Variants in TENM4 observed in about 807,000 individuals in gnomAD.
TENM4 encodes teneurin transmembrane protein 4.
TENM4 carries 82 observed loss-of-function variants against 243.3 expected under a neutral mutation model. The ratio of observed to expected loss-of-function variants is 0.34; its 90% CI spans 0.28 to 0.40. The LOEUF is 0.40. Among genes scored for constraint, TENM4 ranks in the 10% least tolerant of loss-of-function variants. The probability of loss-of-function intolerance (pLI) is 1.00; values close to 1 mark genes in which losing one functional copy is unlikely to be tolerated. For missense variants in TENM4, 3,138 were observed against 3,673.3 expected (o/e 0.85, Z 3.77); for synonymous variants, 1,412 against 1,456.3 (o/e 0.97, Z 0.69).
intron 9 of TENM4, among the ~76,000 whole-genome samples, chr11:78,863,593 T>C (rs1858880993): frequency 1.3e-5 from 2 of 152,222 alleles, no homozygotes; most frequent in Non-Finnish European, 1.5e-5. Flanking sequence ...AAAAGACTCT[T>C]GGCATTATTC....
intron 9 of TENM4, 82 bp from the exon 10 acceptor site, chr11:78,863,214 G>C: frequency 7.2e-7 from 1 of 1,396,240 alleles, no homozygotes. Context: ...AAGGTGGGCA[G>C]GGTGGGGGAA....
intron 5 of TENM4, among the ~76,000 whole-genome samples, chr11:79,066,782 A>G (rs1468905504): frequency 6.6e-6 from 1 of 152,206 alleles, no homozygotes; most frequent in East Asian, 1.9e-4. Flanking sequence ...ACACAAGCAC[A>G]TACTCTGGCA....
intron 1 of TENM4, among the ~76,000 whole-genome samples, chr11:79,325,953 ATCAC>A: frequency 6.6e-6 from 1 of 152,286 alleles, no homozygotes; most frequent in Non-Finnish European, 1.5e-5. Flanking sequence ...AGGAACCAAA[ATCAC>A]TTTGTGAACT....
intron 6 of TENM4, among the ~76,000 whole-genome samples, chr11:78,979,864 C>T (rs1857752920): frequency 6.6e-6 from 1 of 152,322 alleles, no homozygotes; most frequent in Non-Finnish European, 1.5e-5. Flanking sequence ...AATTGAGTCA[C>T]CAAACTTCTC....
intron 6 of TENM4, among the ~76,000 whole-genome samples, chr11:78,957,039 TC>T (rs1207492136): frequency 2.0e-5 from 3 of 152,184 alleles, no homozygotes; most frequent in African/African-American, 4.8e-5. Flanking sequence ...CCCTCATCTC[TC>T]TGGAAAACAT....
At chr11:79,089,974 G>A (rs1860907853) in intron 4 of TENM4, among the ~76,000 whole-genome samples, 2 of 152,210 alleles carry the variant, frequency 1.3e-5, no homozygotes, top group South Asian at 4.1e-4. Context: ...CTATATCATG[G>A]AGGTGATAAA....
chr11:78,965,078 G>A (rs1270341431), intron 6 of TENM4, among the ~76,000 whole-genome samples: 1 of 151,996 alleles, frequency 6.6e-6, no homozygotes, highest in Admixed American at 6.6e-5. Flanking sequence ...ATTTTGGCCA[G>A]GCTGGTCTCG....
Position 78,657,868 on chromosome 11 carries a change from A to C in TENM4, c.*190T>G, listed in dbSNP as rs1857932747. On this transcript the variant is annotated 3_prime_UTR_variant, in exon 34 of 34. Coordinates refer to ENST00000278550, the MANE Select transcript of TENM4 (RefSeq NM_001098816.3). ...GAAAAAAATACCTTCTGTTCTTTGCAAAAAATGTGCGAAGGCCAAATCTGT... is the reference window on the plus strand; with the variant it reads ...GAAAAAAATACCTTCTGTTCTTTGCCAAAAATGTGCGAAGGCCAAATCTGT... The C allele has an allele frequency of 2.3e-6, 2 of 857,160 alleles. No homozygotes were observed. Among genetic ancestry groups the C allele is most frequent in the Non-Finnish European group, 3.7e-6 (2 of 537,080 alleles). The allele number at this position is 857,160 out of a possible 1,614,324, so 53.1% of individuals were successfully genotyped here. A position where few individuals can be genotyped will look rare whatever the true frequency, so the allele number is the denominator to read the frequency against.
At chr11:79,281,517 G>T (rs1345364149) in intron 2 of TENM4, among the ~76,000 whole-genome samples, 1 of 152,190 alleles carries the variant, frequency 6.6e-6, no homozygotes, top group Non-Finnish European at 1.5e-5. Context: ...CACTGAGAAA[G>T]TGAAATTCAG....
chr11:79,278,911 TA>T, intron 2 of TENM4, among the ~76,000 whole-genome samples: 1 of 152,066 alleles, frequency 6.6e-6, no homozygotes, highest in Non-Finnish European at 1.5e-5. Context: ...CAACAGAGCC[TA>T]AAGGGAAATC....
intron 4 of TENM4, among the ~76,000 whole-genome samples, chr11:79,077,056 C>A (rs1860550966): frequency 6.6e-6 from 1 of 152,136 alleles, no homozygotes; most frequent in South Asian, 2.1e-4. Context: ...TAGGCTCATT[C>A]ATTTGGTAAT....
intron 1 of TENM4, among the ~76,000 whole-genome samples, chr11:79,354,188 G>A (rs145329950): frequency 6.6e-6 from 1 of 152,326 alleles, no homozygotes; most frequent in Non-Finnish European, 1.5e-5. Flanking sequence ...CACATAGTAA[G>A]CCCTCACTGA....
rs1007335349 is a variant in TENM4, at chr11:79,324,853, T to C, written c.-320-27310A>G. Among the ~76,000 whole-genome samples the C allele has an allele frequency of 9.9e-5, 15 of 151,384 alleles. 1 individual carries two copies. The highest frequency in any genetic ancestry group is 7.2e-4 in the Admixed American group (11 of 15,198). On this transcript the variant is annotated intron_variant, in intron 1 of 33. Transcript: ENST00000278550. ...GACACAGAGAATATCTAAAAGGGAGTTTCCAGAACCAAAATGAGTATTATA... is the reference window on the plus strand; with the variant it reads ...GACACAGAGAATATCTAAAAGGGAGCTTCCAGAACCAAAATGAGTATTATA...
intron 10 of TENM4, among the ~76,000 whole-genome samples, chr11:78,857,148 T>C (rs1858700444): frequency 6.6e-6 from 1 of 152,138 alleles, no homozygotes; most frequent in South Asian, 2.1e-4. Context: ...CAGGAGAGAC[T>C]CTAGGGATGT....
At chr11:79,186,376 A>G (rs1425197198) in intron 3 of TENM4, among the ~76,000 whole-genome samples, 2 of 152,196 alleles carry the variant, frequency 1.3e-5, no homozygotes, top group Non-Finnish European at 1.5e-5. Context: ...GCATCTGTTT[A>G]TCAAGCAACT....
chr11:79,161,348 G>A (rs775561965), intron 3 of TENM4, among the ~76,000 whole-genome samples: 5 of 152,198 alleles, frequency 3.3e-5, no homozygotes, highest in African/African-American at 4.8e-5. Flanking sequence ...TGAAACGTGT[G>A]CCTTCAAAAT....
intron 1 of TENM4, among the ~76,000 whole-genome samples, chr11:79,403,144 C>T (rs538669230): frequency 6.6e-6 from 1 of 152,242 alleles, no homozygotes; most frequent in South Asian, 2.1e-4. Context: ...AAAGATATGG[C>T]CCTTTAGTGA....
chr11:79,361,171 C>A lies in TENM4; in HGVS notation c.-320-63628G>T, dbSNP rs138208664. Among the ~76,000 whole-genome samples, 415 of 152,188 alleles carry A rather than the reference C, an allele frequency of 2.7e-3. 3 individuals are homozygous for A. The highest frequency in any genetic ancestry group is 4.8e-3 in the Non-Finnish European group (323 of 67,996). ...CCAGCAGGCATAATATCAGTGCCAC[C>A]CCTCTGCAGAAATTGGGGAAGTTTG... On this transcript the variant is annotated intron_variant, in intron 1 of 33. Coordinates refer to ENST00000278550, the MANE Select transcript of TENM4 (RefSeq NM_001098816.3).
At chr11:78,848,988 C>T (rs909800963) in intron 12 of TENM4, among the ~76,000 whole-genome samples, 3 of 152,146 alleles carry the variant, frequency 2.0e-5, no homozygotes, top group East Asian at 1.9e-4. Flanking sequence ...GCAAGTTTCT[C>T]GTAAAAATTC....
Sources: gnomAD v4.1 joint callset for allele counts (sites outside exome capture counted in the v4.1 genomes callset) on GRCh38, gnomAD v4.1.1 for gene constraint, MANE v1.5 for transcripts, NCBI Gene and HGNC (gene_info 2026-07-23, HGNC 2026-07-21) for gene names.